TUBB: variants seen among roughly 807,000 people sequenced by gnomAD.
TUBB encodes tubulin beta class I.
Under a neutral mutation model 35.1 loss-of-function variants are expected in TUBB, and 2 were observed. The observed-to-expected ratio is 0.06, with a 90% confidence interval of 0.02 to 0.18. The LOEUF is 0.18. TUBB is among the 10% of genes least tolerant of loss of function. The probability of loss-of-function intolerance (pLI) is 1.00; values close to 1 mark genes in which losing one functional copy is unlikely to be tolerated. For missense variants in TUBB, 50 were observed against 599.4 expected, an observed-to-expected ratio of 0.08 and a Z score of 9.57; for synonymous variants, 205 against 223.8, an observed-to-expected ratio of 0.92 and a Z score of 0.75.
rs1776590851 is a variant in TUBB at position 30,725,304 on chromosome 6, A to T, written c.*907A>T. On this transcript the variant is annotated 3_prime_UTR_variant, in exon 4 of 4. Transcript: ENST00000327892. ...TTTGCTGTTGCTTCCCCCCTCACAC[A>T]CTTGGTTTTGTTCTATCCTACATTT... 1 of 155,900 alleles carries T rather than the reference A, an allele frequency of 6.4e-6. No individual in the cohort carries two copies. Among genetic ancestry groups the T allele is most frequent in the Non-Finnish European group, 1.4e-5 (1 of 71,036 alleles). 9.7% of individuals were successfully genotyped at this position (155,900 alleles called of 1,614,324 possible).
At chr6:30,723,234 GAGAA>G in intron 3 of TUBB, 102 bp from the exon 4 acceptor site, 1 of 1,056,232 alleles carries the variant, frequency 9.5e-7, no homozygotes. Context: ...CACAGTGAAG[GAGAA>G]AGAAGATACA....
Position 30,722,788 on chromosome 6 carries a change from G to A in TUBB, c.167-130G>A. On this transcript the variant is annotated intron_variant, in intron 2 of 3. Coordinates refer to ENST00000327892, the MANE Select transcript of TUBB (RefSeq NM_178014.4). ...TTCGTGAACCACCGTCGGGGCCAAA[G>A]ACGTCTGCTGCCACCTGGTGGCGGG... The A allele has an allele frequency of 2.7e-6, 3 of 1,106,778 alleles. No individual in the cohort carries two copies. The South Asian group carries it at 4.3e-5, about 16-fold the overall frequency. The allele number at this position is 1,106,778 out of a possible 1,614,324, so 68.6% of individuals were successfully genotyped here.
Position 30,725,408 on chromosome 6 carries a change from T to C in TUBB, c.*1011T>C, listed in dbSNP as rs1276609736. On this transcript the variant is annotated 3_prime_UTR_variant, in exon 4 of 4. Coordinates refer to ENST00000327892, the MANE Select transcript of TUBB (RefSeq NM_178014.4). ...CATCGCCCCAAGAGCCAAAAATAAA[T>C]GGGAATTGAAAAAAGCTGCGAGATG... 6.6e-6 allele frequency: 1 copy of C among 152,106 alleles called. No homozygotes were observed. The allele number at this position is 152,106 out of a possible 1,614,324, so 9.4% of individuals were successfully genotyped here.
intron 1 of TUBB, chr6:30,721,664 C>G (rs1410018089): frequency 1.0e-6 from 1 of 985,294 alleles, no homozygotes; most frequent in Non-Finnish European, 1.2e-6. Context: ...GTGCGCCGCG[C>G]GGTGGGGCGG....
chr6:30,721,659 C>G (rs1473208835), intron 1 of TUBB: 1 of 985,332 alleles, frequency 1.0e-6, no homozygotes, highest in Non-Finnish European at 1.2e-6. Flanking sequence ...CTTTTGTGCG[C>G]CGCGCGGTGG....
At chr6:30,722,119 C>CATCCG (rs755008369) in intron 1 of TUBB, 6 of 215,428 alleles carry the variant, frequency 2.8e-5, no homozygotes, top group African/African-American at 7.0e-5. Context: ...CACCACTGCA[C>CATCCG]TGCAGGCTGG....
chr6:30,722,346 G>A (rs1776337240), intron 1 of TUBB, 191 bp from the exon 2 acceptor site: 1 of 574,916 alleles, frequency 1.7e-6, no homozygotes, highest in African/African-American at 1.9e-5. Flanking sequence ...CGGGGGCTGA[G>A]GCAGGAGAAT....
intron 1 of TUBB, among the ~76,000 whole-genome samples, chr6:30,721,007 A>G (rs559324375): frequency 6.6e-6 from 1 of 152,264 alleles, no homozygotes; most frequent in South Asian, 2.1e-4. Context: ...AGAGAGCTCC[A>G]GCGCAAGGGT....
At chr6:30,722,198 C>G (rs1776322852) in intron 1 of TUBB, 1 of 285,430 alleles carries the variant, frequency 3.5e-6, no homozygotes, top group African/African-American at 2.2e-5. Context: ...GTAATCCCAG[C>G]ACTTTGGGAG....
intron 1 of TUBB, chr6:30,721,897 A>T (rs1329113071): frequency 3.0e-6 from 3 of 985,578 alleles, no homozygotes; most frequent in Non-Finnish European, 3.6e-6. Context: ...TGTGGGGCCG[A>T]GGTGGGCGAA....
At position 30,722,665 on chromosome 6, in the gene TUBB, C is replaced by T; in HGVS notation, c.166+20C>T. The T allele has an allele frequency of 1.9e-6, 3 of 1,597,296 alleles. No homozygotes were observed. Among genetic ancestry groups the T allele is most frequent in the Non-Finnish European group, 2.6e-6 (3 of 1,165,816 alleles). ...CCACAGGTAAGGGCAGGAGCCCGGG[C>T]AGCTCAGGTTCCCTTCCCTGTCTCC... On this transcript the variant is annotated intron_variant, in intron 2 of 3. Transcript: ENST00000327892.
intron 2 of TUBB, 64 bp downstream of exon 2, chr6:30,722,709 T>C: frequency 1.4e-6 from 2 of 1,421,888 alleles, no homozygotes; most frequent in Non-Finnish European, 2.0e-6. Flanking sequence ...TGGGATCTCT[T>C]TCCATTTCTG....
At position 30,724,211 on chromosome 6, in the gene TUBB, G is replaced by A. The variant is rs1485580352; in HGVS notation, c.1149G>A (p.Glu383=). 1 of 1,614,036 alleles carries A rather than the reference G, an allele frequency of 6.2e-7. No individual in the cohort carries two copies. Among genetic ancestry groups the A allele is most frequent in the South Asian group, 1.1e-5 (1 of 91,072 alleles). ...AIQELFKRIS[E]QFTAMFRRKA... The stretch of plus-strand genomic sequence containing the variant: ...AGGAGCTCTTCAAGCGCATCTCGGA[G>A]CAGTTCACTGCCATGTTCCGCCGGA... The change falls in exon 4 of 4, where the codon GAG becomes GAA. Residue 383 remains glutamate (E), a synonymous_variant. Transcript: ENST00000327892. This position sits in a 1 kb window ranked among gnomAD's most constrained non-coding sequence, Gnocchi z 4.4.
At chr6:30,723,064 C>A in intron 3 of TUBB, 36 bp downstream of exon 3, 1 of 1,519,448 alleles carries the variant, frequency 6.6e-7, no homozygotes, top group Non-Finnish European at 9.1e-7. Context: ...GATGATATAC[C>A]ATCGTGTTCA....
At position 30,724,446 on chromosome 6, in the gene TUBB, C is replaced by T. The variant is rs1213217985; in HGVS notation, c.*49C>T. 1 of 1,503,988 alleles carries T rather than the reference C, an allele frequency of 6.6e-7. No individual in the cohort carries two copies. The highest frequency in any genetic ancestry group is 9.0e-7 in the Non-Finnish European group (1 of 1,115,252). 93.2% of individuals were successfully genotyped at this position (1,503,988 alleles called of 1,614,324 possible). On this transcript the variant is annotated 3_prime_UTR_variant, in exon 4 of 4. Coordinates refer to ENST00000327892, the MANE Select transcript of TUBB (RefSeq NM_178014.4). This position sits in a 1 kb window ranked among gnomAD's most constrained non-coding sequence, Gnocchi z 4.4. Reference sequence around the variant, plus strand: ...CTTCTCAGTTCCCTTAGCCGTCTTACTCAACTGCCCCTTTCCTCTCCCTCA... The same window carrying T: ...CTTCTCAGTTCCCTTAGCCGTCTTATTCAACTGCCCCTTTCCTCTCCCTCA...
chr6:30,721,919 C>G, intron 1 of TUBB: 5 of 983,956 alleles, frequency 5.1e-6, no homozygotes, highest in Non-Finnish European at 6.0e-6. Flanking sequence ...TGGGATCCCT[C>G]CAGGTCAGGG....
In TUBB at chr6:30,722,846, C is replaced by CT. The variant is rs1168857614; in HGVS notation, c.167-71dup. Reference sequence around the variant, plus strand: ...ATGACAAGTCTCTGATCCCTGCTGTCTCCCATTTCCAGTATATCTATAAAC... The same window carrying CT: ...ATGACAAGTCTCTGATCCCTGCTGTCTTCCCATTTCCAGTATATCTATAAAC... On this transcript the variant is annotated intron_variant, in intron 2 of 3. Transcript: ENST00000327892. The CT allele has an allele frequency of 1.4e-5, 19 of 1,346,922 alleles. No homozygotes were observed. In the East Asian group the frequency reaches 4.4e-4, roughly 31 times the overall value. The allele number at this position is 1,346,922 out of a possible 1,614,324, so 83.4% of individuals were successfully genotyped here.
At chr6:30,723,166 G>A (rs531136222) in intron 3 of TUBB, 138 bp downstream of exon 3, 370 of 915,868 alleles carry the variant, frequency 4.0e-4, no homozygotes, top group Non-Finnish European at 5.8e-4. Context: ...TCTAACGGAG[G>A]GTAGAGGTAG....
At chr6:30,723,084 G>A (rs1156471893) in intron 3 of TUBB, 56 bp downstream of exon 3, 6 of 1,420,816 alleles carry the variant, frequency 4.2e-6, no homozygotes, top group Non-Finnish European at 5.9e-6. Context: ...AACTTATTTG[G>A]GTGCAAGGAC....
Sources: gnomAD v4.1 joint callset for allele counts (sites outside exome capture counted in the v4.1 genomes callset) on GRCh38, gnomAD v4.1.1 for gene constraint, Gnocchi (gnomAD v3.1) non-coding constraint, MANE v1.5 for transcripts, NCBI Gene and HGNC (gene_info 2026-07-23, HGNC 2026-07-21) for gene names.